The following CSMD1 variants were observed in gnomAD, a reference collection of about 807,000 sequenced individuals.
CSMD1 encodes the protein CUB and Sushi multiple domains 1, also known as CUB and sushi domain-containing protein 1.
CSMD1 carries 213 observed loss-of-function variants against 417.5 expected under a neutral mutation model. The observed-to-expected ratio is 0.51, with a 90% CI of 0.46 to 0.57. The LOEUF is 0.57. Ranked by LOEUF, CSMD1 falls within the 20% of genes least tolerant of loss-of-function variation. The pLI, the probability that CSMD1 is intolerant of heterozygous loss-of-function variation, is 0.00. For synonymous variants in CSMD1, 2,862 were observed against 1,736.8 expected, an observed-to-expected ratio of 1.65 and a Z score of -16.11; for missense variants, 6,923 against 4,529.7, an observed-to-expected ratio of 1.53 and a Z score of -15.17.
At chr8:4,050,277 G>A (rs1798355601) in intron 3 of CSMD1, among the ~76,000 whole-genome samples, 1 of 152,114 alleles carries the variant, frequency 6.6e-6, no homozygotes, top group African/African-American at 2.4e-5. Flanking sequence ...ATACTCTTTG[G>A]AAGGGAGGAA....
At chr8:3,800,338 A>T (rs1036699202) in intron 5 of CSMD1, among the ~76,000 whole-genome samples, 1 of 152,158 alleles carries the variant, frequency 6.6e-6, no homozygotes, top group Non-Finnish European at 1.5e-5. Flanking sequence ...TAATATGTCA[A>T]AATATTATTG....
intron 51 of CSMD1, among the ~76,000 whole-genome samples, chr8:3,025,210 CTG>C (rs1289920287): frequency 6.7e-6 from 1 of 149,984 alleles, no homozygotes; most frequent in East Asian, 2.0e-4. Context: ...TATTCTGAAA[CTG>C]TGTATTGTGT....
intron 3 of CSMD1, among the ~76,000 whole-genome samples, chr8:4,039,956 G>A (rs1333590693): frequency 6.6e-6 from 1 of 152,188 alleles, no homozygotes; most frequent in Non-Finnish European, 1.5e-5. Context: ...ATAGAGAATT[G>A]TAAAAAGATA....
intron 1 of CSMD1, among the ~76,000 whole-genome samples, chr8:4,664,766 C>T (rs927373151): frequency 6.6e-6 from 1 of 151,982 alleles, no homozygotes; most frequent in Admixed American, 6.6e-5. Context: ...TCAAATTATT[C>T]ACATAGTTTG....
At chr8:3,749,854 G>A (rs930747682) in intron 6 of CSMD1, among the ~76,000 whole-genome samples, 10 of 151,902 alleles carry the variant, frequency 6.6e-5, no homozygotes, top group Non-Finnish European at 1.2e-4. Context: ...GGTGGTTCGC[G>A]GTGGTTGACA....
intron 1 of CSMD1, among the ~76,000 whole-genome samples, chr8:4,874,187 A>G (rs910323217): frequency 7.9e-5 from 12 of 152,114 alleles, no homozygotes; most frequent in Non-Finnish European, 1.5e-5. Context: ...TGAATGAACA[A>G]TGAACATGTG....
At position 3,703,004 on chromosome 8, in the gene CSMD1, G is replaced by A. The variant is rs558949364; in HGVS notation, c.1009+5410C>T. On this transcript the variant is annotated intron_variant, in intron 7 of 69. Coordinates refer to ENST00000635120, the MANE Select transcript of CSMD1 (RefSeq NM_033225.6). ...AGACATAATATTGCCCATTTACATT[G>A]CACTTTTTCCAAGAATAAAATAATT... 2.6e-5 allele frequency among the ~76,000 whole-genome samples: 4 copies of A among 152,180 alleles called. No homozygotes were observed. The East Asian group carries it at 7.7e-4, about 29-fold the overall frequency.
At chr8:3,080,348 G>A (rs550734045) in intron 49 of CSMD1, among the ~76,000 whole-genome samples, 51 of 152,340 alleles carry the variant, frequency 3.3e-4, no homozygotes, top group African/African-American at 1.2e-3. Context: ...TTTAAGGCAG[G>A]AAATGAAGCC....
chr8:4,751,395 G>A (rs761528451), intron 1 of CSMD1, among the ~76,000 whole-genome samples: 6 of 151,954 alleles, frequency 3.9e-5, no homozygotes, highest in East Asian at 1.9e-4. Flanking sequence ...TGTCTCAGGG[G>A]GGGTGGCGGG....
chr8:3,707,817 C>T (rs926075837), intron 7 of CSMD1, among the ~76,000 whole-genome samples: 11 of 152,238 alleles, frequency 7.2e-5, no homozygotes, highest in Admixed American at 2.0e-4. Context: ...TGAGTGATGA[C>T]GATGGGCATT....
At chr8:3,953,328 T>G (rs931705852) in intron 5 of CSMD1, among the ~76,000 whole-genome samples, 3 of 152,192 alleles carry the variant, frequency 2.0e-5, no homozygotes, top group Non-Finnish European at 4.4e-5. Flanking sequence ...TTAGCATATA[T>G]TTTACATAGT....
At chr8:4,319,793 A>G (rs1021648542) in intron 3 of CSMD1, among the ~76,000 whole-genome samples, 5 of 152,080 alleles carry the variant, frequency 3.3e-5, no homozygotes, top group African/African-American at 1.2e-4. Context: ...GAGAGAAGAG[A>G]GCTTCACAAG....
intron 3 of CSMD1, among the ~76,000 whole-genome samples, chr8:4,349,352 T>G (rs953429328): frequency 6.6e-6 from 1 of 152,214 alleles, no homozygotes; most frequent in African/African-American, 2.4e-5. Context: ...GTAGGTGTTA[T>G]CGTATTTTAC....
chr8:3,258,527 C>T (rs527406392), intron 26 of CSMD1, among the ~76,000 whole-genome samples: 1 of 152,156 alleles, frequency 6.6e-6, no homozygotes, highest in South Asian at 2.1e-4. Flanking sequence ...TTATGGAAGA[C>T]AGTGTGGTGA....
At chr8:3,967,165 T>C (rs1417105643) in intron 5 of CSMD1, among the ~76,000 whole-genome samples, 1 of 151,206 alleles carries the variant, frequency 6.6e-6, no homozygotes, top group Non-Finnish European at 1.5e-5. Flanking sequence ...AAAATGTTTA[T>C]GTATTCCTTT....
At chr8:3,822,903 G>T (rs1164512007) in intron 5 of CSMD1, among the ~76,000 whole-genome samples, 1 of 152,108 alleles carries the variant, frequency 6.6e-6, no homozygotes, top group African/African-American at 2.4e-5. Flanking sequence ...GTAACTCACT[G>T]TGCAGAGCTA....
At chr8:4,918,103 A>G (rs1327807424) in intron 1 of CSMD1, among the ~76,000 whole-genome samples, 5 of 152,204 alleles carry the variant, frequency 3.3e-5, no homozygotes, top group African/African-American at 1.2e-4. Context: ...AAAAAAGAAA[A>G]TATGTATTCT....
intron 1 of CSMD1, among the ~76,000 whole-genome samples, chr8:4,706,289 C>T (rs961586539): frequency 2.0e-5 from 3 of 151,956 alleles, no homozygotes; most frequent in South Asian, 2.1e-4. Context: ...CTGTCCATTA[C>T]CTTACATGTA....
At chr8:3,494,576 A>G (rs1039121676) in intron 10 of CSMD1, among the ~76,000 whole-genome samples, 58 of 150,060 alleles carry the variant, frequency 3.9e-4, no homozygotes, top group African/African-American at 1.4e-3. Context: ...AGATAGATAG[A>G]TAGATAGATA....
Sources: allele counts gnomAD v4.1 joint callset (sites outside exome capture counted in the v4.1 genomes callset), GRCh38; gene constraint gnomAD v4.1.1; transcripts MANE v1.5; gene names NCBI Gene and HGNC (gene_info 2026-07-23, HGNC 2026-07-21).